ABTB3: variants seen among roughly 807,000 people sequenced by gnomAD.
ABTB3 encodes the protein ankyrin repeat and BTB domain containing 3, also known as ankyrin repeat- and BTB/POZ domain-containing protein 3.
chr12:107,654,146 A>G, the ABTB3 span, among the ~76,000 whole-genome samples: 1 of 152,208 alleles, frequency 6.6e-6, no homozygotes, highest in African/African-American at 2.4e-5. Flanking sequence ...ATAATATTTC[A>G]TTGCATGTAC....
the ABTB3 span, among the ~76,000 whole-genome samples, chr12:107,356,126 G>T: frequency 6.6e-6 from 1 of 152,170 alleles, no homozygotes; most frequent in African/African-American, 2.4e-5. Flanking sequence ...CCTAAGACCA[G>T]CTTTGCCCAA....
chr12:107,346,672 G>A, the ABTB3 span, among the ~76,000 whole-genome samples: 3 of 152,252 alleles, frequency 2.0e-5, no homozygotes, highest in African/African-American at 7.2e-5. Context: ...TGTTAGCCAG[G>A]ATGATCTCAA....
At chr12:107,619,832 T>C in the ABTB3 span, among the ~76,000 whole-genome samples, 1 of 152,204 alleles carries the variant, frequency 6.6e-6, no homozygotes, top group African/African-American at 2.4e-5. Context: ...GTTCTGTTCG[T>C]TGAAAGTCAA....
At chr12:107,613,064 G>C in the ABTB3 span, among the ~76,000 whole-genome samples, 1 of 152,166 alleles carries the variant, frequency 6.6e-6, no homozygotes, top group Non-Finnish European at 1.5e-5. Flanking sequence ...GAGGCCCCCA[G>C]CCCAACCAAA....
chr12:107,326,716 AC>A, the ABTB3 span, among the ~76,000 whole-genome samples: 2 of 152,184 alleles, frequency 1.3e-5, no homozygotes, highest in African/African-American at 4.8e-5. Context: ...ATGAGGCAAA[AC>A]AAACATATTA....
the ABTB3 span, among the ~76,000 whole-genome samples, chr12:107,628,204 G>A: frequency 1.3e-5 from 2 of 152,144 alleles, no homozygotes; most frequent in African/African-American, 2.4e-5. Flanking sequence ...ACAGTGGGGC[G>A]ATCTCCACTC....
chr12:107,601,475 T>C, the ABTB3 span, among the ~76,000 whole-genome samples: 2 of 152,224 alleles, frequency 1.3e-5, no homozygotes, highest in African/African-American at 4.8e-5. Flanking sequence ...ATCATGGTTA[T>C]TGGGGCTGCT....
the ABTB3 span, among the ~76,000 whole-genome samples, chr12:107,362,325 G>A: frequency 6.6e-6 from 1 of 152,214 alleles, no homozygotes; most frequent in Non-Finnish European, 1.5e-5. Flanking sequence ...AGGATGCGTG[G>A]ATGAGCTCAG....
the ABTB3 span, among the ~76,000 whole-genome samples, chr12:107,584,736 C>T: frequency 1.2e-4 from 19 of 152,178 alleles, no homozygotes; most frequent in Admixed American, 1.2e-3. Flanking sequence ...TCAAGGATTC[C>T]CAGGTCTGAT....
At chr12:107,483,961 A>G in the ABTB3 span, among the ~76,000 whole-genome samples, 6 of 152,158 alleles carry the variant, frequency 3.9e-5, no homozygotes, top group Admixed American at 3.9e-4. Flanking sequence ...CAAAATGCTG[A>G]GATTACAGGC....
At chr12:107,341,927 A>G in the ABTB3 span, among the ~76,000 whole-genome samples, 1 of 152,238 alleles carries the variant, frequency 6.6e-6, no homozygotes, top group South Asian at 2.1e-4. Flanking sequence ...ACCTTCTGCC[A>G]TGATTGGAAA....
At chr12:107,573,436 G>C in the ABTB3 span, among the ~76,000 whole-genome samples, 5 of 151,916 alleles carry the variant, frequency 3.3e-5, no homozygotes, top group African/African-American at 4.8e-5. Flanking sequence ...GTGGATGAAT[G>C]AATGGATGGG....
the ABTB3 span, among the ~76,000 whole-genome samples, chr12:107,638,271 G>A: frequency 5.9e-5 from 9 of 152,152 alleles, no homozygotes; most frequent in African/African-American, 1.2e-4. Flanking sequence ...GGGCAGCACA[G>A]GGTTCAGGGT....
At chr12:107,596,047 T>G in the ABTB3 span, among the ~76,000 whole-genome samples, 1 of 152,194 alleles carries the variant, frequency 6.6e-6, no homozygotes, top group Non-Finnish European at 1.5e-5. Flanking sequence ...TAATTATTAT[T>G]TGAGAATCAT....
At chr12:107,560,592 G>A in the ABTB3 span, among the ~76,000 whole-genome samples, 3 of 152,132 alleles carry the variant, frequency 2.0e-5, no homozygotes, top group East Asian at 1.9e-4. Context: ...TGGGAAGATC[G>A]CTTTTCACAT....
At chr12:107,351,793 AT>A in the ABTB3 span, among the ~76,000 whole-genome samples, 2 of 152,162 alleles carry the variant, frequency 1.3e-5, no homozygotes, top group Non-Finnish European at 2.9e-5. Context: ...ATATTCTGTT[AT>A]AGCAACACAA....
At chr12:107,445,857 C>T in the ABTB3 span, among the ~76,000 whole-genome samples, 94 of 149,206 alleles carry the variant, frequency 6.3e-4, 1 homozygote, top group African/African-American at 2.1e-3. Context: ...CAAACATCTC[C>T]AAATCTCCCT....
the ABTB3 span, among the ~76,000 whole-genome samples, chr12:107,628,694 G>A: frequency 4.6e-5 from 7 of 152,140 alleles, no homozygotes; most frequent in African/African-American, 1.7e-4. Flanking sequence ...GGAAATTGCT[G>A]TTTAGGAGTT....
the ABTB3 span, among the ~76,000 whole-genome samples, chr12:107,334,164 G>A: frequency 6.6e-6 from 1 of 152,214 alleles, no homozygotes; most frequent in South Asian, 2.1e-4. Context: ...TGTTCTTAGT[G>A]AACTGGGAAG....
Sources: allele counts gnomAD v4.1 joint callset (sites outside exome capture counted in the v4.1 genomes callset), GRCh38; gene constraint gnomAD v4.1.1; transcripts MANE v1.5; gene names NCBI Gene and HGNC (gene_info 2026-07-23, HGNC 2026-07-21).